KYAT3: variants seen among roughly 807,000 people sequenced by gnomAD.
KYAT3 encodes the protein kynurenine aminotransferase 3.
In KYAT3, 50 loss-of-function variants were observed where a neutral mutation model predicts 59.0. The ratio of observed to expected loss-of-function variants is 0.85; its 90% CI spans 0.68 to 1.07. The LOEUF (loss-of-function observed/expected upper bound fraction) is 1.07, where lower values mean the gene tolerates loss of function less well. Ranked by LOEUF, KYAT3 falls within the 50% of genes least tolerant of loss-of-function variation. The probability of loss-of-function intolerance (pLI) is 0.00; values close to 1 mark genes in which losing one functional copy is unlikely to be tolerated. For synonymous variants in KYAT3, 148 were observed against 177.0 expected (o/e 0.84, Z 1.30); for missense variants, 497 against 533.3 (o/e 0.93, Z 0.67).
chr1:88,986,648 T>G (rs1677475784), intron 2 of KYAT3, among the ~76,000 whole-genome samples: 1 of 152,122 alleles, frequency 6.6e-6, no homozygotes, highest in Admixed American at 6.5e-5. Context: ...ATGTAAAATG[T>G]TTTTGTAAAA....
intron 13 of KYAT3, among the ~76,000 whole-genome samples, chr1:88,939,234 G>A (rs186389073): frequency 6.6e-6 from 1 of 151,988 alleles, no homozygotes; most frequent in Non-Finnish European, 1.5e-5. Flanking sequence ...TGCTATTTTT[G>A]CCTTAAATTT....
chr1:88,988,211 G>T, intron 2 of KYAT3, 41 bp downstream of exon 2: 2 of 1,350,490 alleles, frequency 1.5e-6, no homozygotes, highest in Non-Finnish European at 1.1e-6. Context: ...GGACAGTGCA[G>T]AATATGTACA....
intron 7 of KYAT3, 26 bp downstream of exon 7, chr1:88,961,355 T>G: frequency 6.2e-7 from 1 of 1,613,454 alleles, no homozygotes; most frequent in Non-Finnish European, 8.5e-7. Context: ...GTCAGAAGAC[T>G]GTATAAGGAG....
At chr1:88,941,747 T>A (rs1675243543) in intron 13 of KYAT3, among the ~76,000 whole-genome samples, 1 of 152,194 alleles carries the variant, frequency 6.6e-6, no homozygotes, top group Non-Finnish European at 1.5e-5. Flanking sequence ...TCTCACTATG[T>A]TTCCCAGGCT....
intron 1 of KYAT3, among the ~76,000 whole-genome samples, chr1:88,989,774 T>G (rs1272990067): frequency 2.6e-5 from 4 of 152,230 alleles, no homozygotes; most frequent in African/African-American, 9.6e-5. Context: ...CTAAGTCTAC[T>G]TGTTTTCATC....
intron 1 of KYAT3, 77 bp from the exon 2 acceptor site, chr1:88,988,428 T>C: frequency 1.3e-6 from 1 of 769,152 alleles, no homozygotes; most frequent in Non-Finnish European, 2.2e-6. Flanking sequence ...TACAGCTAGC[T>C]GATGTATCAT....
chr1:88,961,327 C>A, intron 7 of KYAT3, 40 bp from the exon 8 acceptor site: 1 of 1,613,402 alleles, frequency 6.2e-7, no homozygotes, highest in Non-Finnish European at 8.5e-7. Context: ...AATTATTCAA[C>A]ATGTGAGAAA....
At chr1:88,989,693 C>T (rs1024449965) in intron 1 of KYAT3, among the ~76,000 whole-genome samples, 5 of 152,180 alleles carry the variant, frequency 3.3e-5, no homozygotes, top group South Asian at 2.1e-4. Flanking sequence ...TCACCCCAGA[C>T]TGGGTGAGCC....
At chr1:88,969,501 T>C in intron 2 of KYAT3, 34 bp from the exon 3 acceptor site, 1 of 1,276,730 alleles carries the variant, frequency 7.8e-7, no homozygotes, top group Non-Finnish European at 1.1e-6. Flanking sequence ...GGAATTGCCT[T>C]AGTCAAAATT....
At chr1:88,968,864 T>A (rs1676445414) in intron 3 of KYAT3, 50 bp from the exon 4 acceptor site, 1 of 1,403,456 alleles carries the variant, frequency 7.1e-7, no homozygotes, top group Admixed American at 2.5e-5. Context: ...ATTATAAAGT[T>A]CGCTTTTTTA....
chr1:88,983,699 C>A lies in KYAT3; in HGVS notation c.99+4553G>T, dbSNP rs746634608. 4 of 1,613,892 alleles carry A rather than the reference C, an allele frequency of 2.5e-6. No individual in the cohort carries two copies. In the Admixed American group the frequency reaches 6.7e-5, roughly 27 times the overall value. ...AAATCCTCTTGATTTGTTGGTTTCA[C>A]GGTCTTTTATCAAGAGTACTTCCAC... On this transcript the variant is annotated intron_variant, in intron 2 of 13. Transcript: ENST00000260508.
chr1:88,986,210 C>G (rs112131774), intron 2 of KYAT3, among the ~76,000 whole-genome samples: 3,518 of 148,602 alleles, frequency 0.024, 124 homozygotes, highest in African/African-American at 0.082. Flanking sequence ...GAGAGAGAGA[C>G]AGAGAGAGTT....
At chr1:88,935,728 G>A (rs1326867495), downstream of KYAT3, 19 of 334,244 alleles carry the variant, frequency 5.7e-5, no homozygotes, top group Admixed American at 1.4e-4. Context: ...TGTGGTTGAG[G>A]GGTGGAACTG....
At chr1:88,948,173 A>G (rs1675523265) in intron 11 of KYAT3, among the ~76,000 whole-genome samples, 1 of 152,118 alleles carries the variant, frequency 6.6e-6, no homozygotes, top group Non-Finnish European at 1.5e-5. Flanking sequence ...AAGTTAAAAA[A>G]TATGATCAAT....
chr1:88,943,405 A>G lies in KYAT3; in HGVS notation c.1160T>C (p.Met387Thr). The G allele has an allele frequency of 2.5e-6, 4 of 1,579,140 alleles. No homozygotes were observed. The highest frequency in any genetic ancestry group is 2.6e-6 in the Non-Finnish European group (3 of 1,160,320). Residue 387 changes from methionine (M) to threonine (T), a missense_variant, in exon 12 of 14, where the codon ATG becomes ACG. Coordinates refer to ENST00000260508, the MANE Select transcript of KYAT3 (RefSeq NM_001008661.3). ...VSLLDPDLSDMKNNEPYDYKF... is the reference protein window; with the variant it reads ...VSLLDPDLSDTKNNEPYDYKF... The stretch of plus-strand genomic sequence containing the variant: ...ATAGTCATAAGGCTCATTATTCTTC[A>G]TATCAGAGAGGTCTGGATCTAAAAC...
intron 8 of KYAT3, among the ~76,000 whole-genome samples, chr1:88,959,970 A>G (rs1224592813): frequency 1.4e-5 from 2 of 142,210 alleles, no homozygotes; most frequent in African/African-American, 5.0e-5. Context: ...TGGGAGGCTG[A>G]GGTGGGAGGA....
chr1:88,977,495 C>T (rs1464314125), intron 2 of KYAT3, among the ~76,000 whole-genome samples: 1 of 152,024 alleles, frequency 6.6e-6, no homozygotes, highest in Non-Finnish European at 1.5e-5. Flanking sequence ...AGCCACTGTG[C>T]CCTTCCTTTA....
At chr1:88,991,904 CCTTT>C in intron 1 of KYAT3, among the ~76,000 whole-genome samples, 1 of 152,188 alleles carries the variant, frequency 6.6e-6, no homozygotes, top group Non-Finnish European at 1.5e-5. Flanking sequence ...CAACAGACTG[CCTTT>C]CTGTTTTAAC....
At chr1:88,942,657 G>A (rs188810201) in intron 13 of KYAT3, among the ~76,000 whole-genome samples, 1,972 of 152,138 alleles carry the variant, frequency 0.013, 40 homozygotes, top group African/African-American at 0.045. Flanking sequence ...CTTCCTCGCG[G>A]GTTCACGCCA....
Sources: allele counts gnomAD v4.1 joint callset (sites outside exome capture counted in the v4.1 genomes callset), GRCh38; gene constraint gnomAD v4.1.1; transcripts MANE v1.5; gene names NCBI Gene and HGNC (gene_info 2026-07-23, HGNC 2026-07-21).